FAM13A: variants seen among roughly 807,000 people sequenced by gnomAD.
FAM13A encodes the protein protein FAM13A.
In FAM13A, 76 loss-of-function variants were observed where a neutral mutation model predicts 129.6. The observed-to-expected ratio is 0.59, with a 90% CI of 0.49 to 0.71. The LOEUF is 0.71. Among genes scored for constraint, FAM13A ranks in the 30% least tolerant of loss-of-function variants. FAM13A has a pLI of 0.00. For synonymous variants in FAM13A, 443 were observed against 449.9 expected, an observed-to-expected ratio of 0.98 and a Z score of 0.20; for missense variants, 1,108 against 1,249.3, an observed-to-expected ratio of 0.89 and a Z score of 1.70.
chr4:88,753,543 G>C, intron 14 of FAM13A: 1 of 253,942 alleles, frequency 3.9e-6, no homozygotes, highest in South Asian at 1.5e-4. Context: ...AACTATATGA[G>C]TTTCAACTCT....
rs556375538 is a variant in FAM13A, at chr4:88,920,487, G to A, written c.760-14025C>T. Among the ~76,000 whole-genome samples, 120 of 152,234 alleles carry A rather than the reference G, an allele frequency of 7.9e-4. 2 individuals are homozygous for A. The highest frequency in any genetic ancestry group is 6.8e-3 in the Middle Eastern group (2 of 294). Reference sequence around the variant, plus strand: ...AAACTCCAACAGACCTGCAGCTGAGGGTCCTGTCTGTTAGAAGGAAAACTA... The same window carrying A: ...AAACTCCAACAGACCTGCAGCTGAGAGTCCTGTCTGTTAGAAGGAAAACTA... On this transcript the variant is annotated intron_variant, in intron 5 of 23. Coordinates refer to ENST00000264344, the MANE Select transcript of FAM13A (RefSeq NM_014883.4).
intron 4 of FAM13A, among the ~76,000 whole-genome samples, chr4:88,940,647 C>G (rs1754597386): frequency 6.6e-6 from 1 of 152,160 alleles, no homozygotes; most frequent in Admixed American, 6.5e-5. Flanking sequence ...ACTATATAGA[C>G]TTTTGCTAAA....
chr4:88,734,552 C>G (rs979751894), intron 21 of FAM13A, among the ~76,000 whole-genome samples: 2 of 152,178 alleles, frequency 1.3e-5, no homozygotes, highest in Non-Finnish European at 2.9e-5. Flanking sequence ...TGGCAATGCA[C>G]AAGTATACAG....
Position 88,834,210 on chromosome 4 carries a change from C to T in FAM13A, c.1007+16810G>A, listed in dbSNP as rs1477999558. Among the ~76,000 whole-genome samples the T allele has an allele frequency of 6.8e-5, 9 of 132,194 alleles. No individual in the cohort carries two copies. The East Asian group carries it at 2.0e-3, about 29-fold the overall frequency. 86.7% of individuals were successfully genotyped at this position (132,194 alleles called of 152,430 possible). On this transcript the variant is annotated intron_variant, in intron 7 of 23. Coordinates refer to ENST00000264344, the MANE Select transcript of FAM13A (RefSeq NM_014883.4). Reference sequence around the variant, plus strand: ...TATAGGCGTGAGCCGCCATGCCTGGCAAAAAAAAAAAAAATCCATTTCAGA... The same window carrying T: ...TATAGGCGTGAGCCGCCATGCCTGGTAAAAAAAAAAAAAATCCATTTCAGA...
intron 4 of FAM13A, among the ~76,000 whole-genome samples, chr4:88,986,297 C>T (rs909529407): frequency 6.6e-6 from 1 of 152,130 alleles, no homozygotes; most frequent in Non-Finnish European, 1.5e-5. Context: ...CCACACCTGG[C>T]TAATTTTTGT....
chr4:88,769,566 G>A (rs1416906586), intron 11 of FAM13A, among the ~76,000 whole-genome samples: 1 of 152,172 alleles, frequency 6.6e-6, no homozygotes, highest in Admixed American at 6.5e-5. Context: ...GGGCGTGGTG[G>A]CTCACACCTG....
chr4:88,909,525 TTG>T (rs1433681536), intron 5 of FAM13A, among the ~76,000 whole-genome samples: 2 of 151,984 alleles, frequency 1.3e-5, no homozygotes, highest in Admixed American at 6.6e-5. Context: ...TCTCGCTCTG[TTG>T]CCAGGCTGGA....
chr4:88,998,066 A>G (rs1380250357), intron 3 of FAM13A, among the ~76,000 whole-genome samples: 4 of 152,168 alleles, frequency 2.6e-5, no homozygotes, highest in East Asian at 3.9e-4. Context: ...TGCCAACACT[A>G]TGAATGAGTC....
chr4:88,798,652 T>C (rs559679150), intron 8 of FAM13A, among the ~76,000 whole-genome samples: 27 of 152,326 alleles, frequency 1.8e-4, no homozygotes, highest in African/African-American at 6.3e-4. Flanking sequence ...GTCCACGCCA[T>C]AGATGATGTG....
At chr4:88,839,697 G>T (rs1374790195) in intron 7 of FAM13A, among the ~76,000 whole-genome samples, 1 of 152,164 alleles carries the variant, frequency 6.6e-6, no homozygotes, top group Non-Finnish European at 1.5e-5. Flanking sequence ...GACCAGCCTG[G>T]TCAACATAGT....
At chr4:88,823,984 G>T (rs1272831005) in intron 7 of FAM13A, among the ~76,000 whole-genome samples, 2 of 152,110 alleles carry the variant, frequency 1.3e-5, no homozygotes, top group Non-Finnish European at 2.9e-5. Context: ...CAGCATTTTG[G>T]GGGGGTTGCT....
chr4:88,819,860 G>A (rs991179347), intron 7 of FAM13A, among the ~76,000 whole-genome samples: 3 of 152,102 alleles, frequency 2.0e-5, no homozygotes, highest in African/African-American at 7.2e-5. Context: ...TCTCAATAGA[G>A]ATAGTTAATA....
chr4:88,808,781 A>T (rs572891595), intron 7 of FAM13A, among the ~76,000 whole-genome samples: 5 of 147,686 alleles, frequency 3.4e-5, no homozygotes, highest in South Asian at 4.3e-4. Context: ...TAGTTTACTT[A>T]AAAAAAAAAA....
chr4:88,949,623 A>G (rs1404320742), intron 4 of FAM13A, among the ~76,000 whole-genome samples: 1 of 152,142 alleles, frequency 6.6e-6, no homozygotes, highest in African/African-American at 2.4e-5. Flanking sequence ...AAGCTGGAAG[A>G]TTTTTTCAAA....
intron 6 of FAM13A, among the ~76,000 whole-genome samples, chr4:88,890,412 T>A: frequency 6.6e-6 from 1 of 152,146 alleles, no homozygotes; most frequent in Non-Finnish European, 1.5e-5. Flanking sequence ...ATCTAGAGAC[T>A]CTCATAGAGT....
rs189880956 is a variant in FAM13A at position 88,774,602 on chromosome 4, T to C, written c.1459-6543A>G. ...CTGAGTTGTGTTACACTGAAAACAA[T>C]TGTTTTGTAGCAGCAGACATGTTCT... On this transcript the variant is annotated intron_variant, in intron 11 of 23. Coordinates refer to ENST00000264344, the MANE Select transcript of FAM13A (RefSeq NM_014883.4). 5.6e-4 allele frequency among the ~76,000 whole-genome samples: 86 copies of C among 152,278 alleles called. No homozygotes were observed. In the Middle Eastern group the frequency reaches 0.014, roughly 24 times the overall value.
intron 6 of FAM13A, among the ~76,000 whole-genome samples, chr4:88,877,286 T>C (rs920802260): frequency 2.6e-5 from 4 of 152,220 alleles, no homozygotes; most frequent in African/African-American, 9.6e-5. Flanking sequence ...TTATAACCTT[T>C]GAACTACTGA....
chr4:88,761,814 T>C (rs974168919), intron 13 of FAM13A, among the ~76,000 whole-genome samples: 10 of 151,876 alleles, frequency 6.6e-5, no homozygotes, highest in Non-Finnish European at 1.0e-4. Context: ...ACAAAACTTA[T>C]TAATTCAAAA....
At chr4:88,763,139 CTTTT>C (rs1669629951) in intron 13 of FAM13A, among the ~76,000 whole-genome samples, 1 of 152,116 alleles carries the variant, frequency 6.6e-6, no homozygotes, top group Non-Finnish European at 1.5e-5. Context: ...TGAACTTCAG[CTTTT>C]TTGTTTTTCC....
Sources: gnomAD v4.1 joint callset for allele counts (sites outside exome capture counted in the v4.1 genomes callset) on GRCh38, gnomAD v4.1.1 for gene constraint, MANE v1.5 for transcripts, NCBI Gene and HGNC (gene_info 2026-07-23, HGNC 2026-07-21) for gene names.